ADGRV1: variants seen among roughly 807,000 people sequenced by gnomAD.
The protein encoded by ADGRV1 is G-protein coupled receptor 98.
In ADGRV1, 359 loss-of-function variants were observed where a neutral mutation model predicts 596.2. The observed-to-expected ratio is 0.60, with a 90% CI of 0.55 to 0.66. The LOEUF is 0.66. Among genes scored for constraint, ADGRV1 ranks in the 30% least tolerant of loss-of-function variants. ADGRV1 has a pLI of 0.00. For missense variants in ADGRV1, 7,274 were observed against 7,575.6 expected (o/e 0.96, Z 1.48); for synonymous variants, 2,681 against 2,679.2 (o/e 1.00, Z -0.02).
intron 85 of ADGRV1, chr5:91,031,358 C>T (rs182230694): frequency 5.5e-5 from 67 of 1,225,140 alleles, no homozygotes; most frequent in East Asian, 1.6e-4. Flanking sequence ...CTATCTCATC[C>T]GCTGACGGAA....
chr5:90,720,046 A>T lies in ADGRV1; in HGVS notation c.9448-2A>T. 1 of 1,612,324 alleles carries T rather than the reference A, an allele frequency of 6.2e-7. No individual in the cohort carries two copies. Among genetic ancestry groups the T allele is most frequent in the Non-Finnish European group, 8.5e-7 (1 of 1,178,574 alleles). ...AACCTTATCTTTTGATTTTGTTTTC[A>T]GGCCCTACAAATATCTGCCATATTA... On this transcript the variant is annotated splice_acceptor_variant, in intron 43 of 89. Coordinates refer to ENST00000405460, the MANE Select transcript of ADGRV1 (RefSeq NM_032119.4). LOFTEE classifies it high-confidence loss of function.
intron 8 of ADGRV1, 63 bp downstream of exon 8, chr5:90,628,895 T>A: frequency 6.8e-7 from 1 of 1,476,210 alleles, no homozygotes; most frequent in Non-Finnish European, 9.2e-7. Context: ...ACCAAAGAAT[T>A]TGGTCATACA....
chr5:90,950,484 G>C (rs529184835), intron 83 of ADGRV1, among the ~76,000 whole-genome samples: 1 of 152,004 alleles, frequency 6.6e-6, no homozygotes, highest in East Asian at 1.9e-4. Context: ...ACCATGCCCA[G>C]CTAATTTTTG....
Position 90,685,994 on chromosome 5 carries a change from TG to T in ADGRV1, c.6490+1del. 1 of 1,565,704 alleles carries T rather than the reference TG, an allele frequency of 6.4e-7. No individual in the cohort carries two copies. The highest frequency in any genetic ancestry group is 8.7e-7 in the Non-Finnish European group (1 of 1,151,444). On this transcript the variant is annotated frameshift_variant and splice_region_variant, in exon 29 of 90. Transcript: ENST00000405460. LOFTEE classifies it high-confidence loss of function. Reference sequence around the variant, plus strand: ...AAGCTGTGCCAATAACTGCAATAGCTGGTAAGAAAAGACATCTAAAAAGCAG... The same window carrying T: ...AAGCTGTGCCAATAACTGCAATAGCTGTAAGAAAAGACATCTAAAAAGCAG... The part of the protein sequence containing the change: ...FKAVPITAIA[G>X]EDYSIASSDV...
At chr5:90,576,086 G>A (rs1757160378) in intron 1 of ADGRV1, among the ~76,000 whole-genome samples, 1 of 152,030 alleles carries the variant, frequency 6.6e-6, no homozygotes. Flanking sequence ...TCCCAGCACT[G>A]CTTCCAGTCC....
chr5:90,791,528 C>T (rs914681799), intron 70 of ADGRV1, 182 bp downstream of exon 70: 6 of 568,780 alleles, frequency 1.1e-5, no homozygotes, highest in Middle Eastern at 4.6e-4. Context: ...AAGTATATTA[C>T]TATTTGGATG....
At chr5:90,680,706 G>T (rs1284830451) in intron 26 of ADGRV1, among the ~76,000 whole-genome samples, 2 of 152,032 alleles carry the variant, frequency 1.3e-5, no homozygotes, top group Non-Finnish European at 2.9e-5. Flanking sequence ...ATTACTTTTA[G>T]AATTGTTCAT....
At position 90,783,139 on chromosome 5, in the gene ADGRV1, G is replaced by A. The variant is rs757736882; in HGVS notation, c.13247G>A (p.Gly4416Glu). 2 of 1,613,336 alleles carry A rather than the reference G, an allele frequency of 1.2e-6. No homozygotes were observed. Among genetic ancestry groups the A allele is most frequent in the Admixed American group, 1.7e-5 (1 of 59,992 alleles). ...YTAFEVEEDVGLIMIPVVRLH... is the reference protein window; with the variant it reads ...YTAFEVEEDVELIMIPVVRLH... Reference sequence around the variant, plus strand: ...CCCATTACAGTGGAGGAAGATGTTGGGCTGATCATGATCCCAGTGGTGAGG... The same window carrying A: ...CCCATTACAGTGGAGGAAGATGTTGAGCTGATCATGATCCCAGTGGTGAGG... Residue 4416 changes from glycine to glutamate, a missense_variant, in exon 66 of 90, where the codon GGG becomes GAG. Gly to Glu is a moderately conservative substitution (Grantham distance 98). This residue lies in a region of ADGRV1 where 3,643 missense variants were observed against 3,809.2 expected (regional missense o/e 0.96). Transcript: ENST00000405460.
chr5:90,689,056 C>T (rs1020747748), intron 29 of ADGRV1, among the ~76,000 whole-genome samples: 1 of 152,112 alleles, frequency 6.6e-6, no homozygotes, highest in Non-Finnish European at 1.5e-5. Context: ...CTATTCAATT[C>T]GAATCTTTCT....
At chr5:90,882,879 C>T (rs1045835960) in intron 83 of ADGRV1, among the ~76,000 whole-genome samples, 1 of 150,038 alleles carries the variant, frequency 6.7e-6, no homozygotes, top group Non-Finnish European at 1.5e-5. Context: ...AAAATTATAG[C>T]AATGTCCTTA....
chr5:91,055,307 A>C (rs1257236863), intron 85 of ADGRV1, among the ~76,000 whole-genome samples: 2 of 152,010 alleles, frequency 1.3e-5, no homozygotes, highest in African/African-American at 4.8e-5. Flanking sequence ...ATGAAATATG[A>C]ATACAGTTAA....
At chr5:91,133,770 C>A (rs540708725) in intron 87 of ADGRV1, among the ~76,000 whole-genome samples, 1 of 152,234 alleles carries the variant, frequency 6.6e-6, no homozygotes, top group South Asian at 2.1e-4. Flanking sequence ...TTTGCTACTG[C>A]CATAAGTATG....
chr5:90,781,517 A>G lies in ADGRV1; in HGVS notation c.13170A>G (p.Ile4390Met), dbSNP rs1332888569. 4 of 1,611,374 alleles carry G rather than the reference A, an allele frequency of 2.5e-6. No individual in the cohort carries two copies. The East Asian group carries it at 8.9e-5, about 36-fold the overall frequency. Residue 4390 changes from isoleucine to methionine, a missense_variant, in exon 65 of 90, where the codon ATA becomes ATG. This residue lies in a region of ADGRV1 where 3,643 missense variants were observed against 3,809.2 expected (regional missense o/e 0.96). Transcript: ENST00000405460. ...ACATCTCCATTGTTCGCATCATAATAATGAAAAATGATAACGCAGAAGGCA... is the reference window on the plus strand; with the variant it reads ...ACATCTCCATTGTTCGCATCATAATGATGAAAAATGATAACGCAGAAGGCA... The part of the protein sequence containing the change: ...IGNISIVRII[I>M]MKNDNAEGII...
chr5:90,851,287 A>G (rs1766497763), intron 79 of ADGRV1, among the ~76,000 whole-genome samples: 1 of 152,068 alleles, frequency 6.6e-6, no homozygotes, highest in Non-Finnish European at 1.5e-5. Context: ...GTAAAAGAAA[A>G]TGAGGACTGA....
At chr5:90,858,917 C>T (rs995827255) in intron 82 of ADGRV1, among the ~76,000 whole-genome samples, 8 of 152,168 alleles carry the variant, frequency 5.3e-5, no homozygotes, top group Non-Finnish European at 1.2e-4. Flanking sequence ...CCAGTTTTAA[C>T]AGCAGTGAGA....
At chr5:91,005,091 G>C (rs1429423625) in intron 85 of ADGRV1, among the ~76,000 whole-genome samples, 1 of 152,002 alleles carries the variant, frequency 6.6e-6, no homozygotes, top group Non-Finnish European at 1.5e-5. Flanking sequence ...TGGATATTTT[G>C]TATATTTTCT....
intron 39 of ADGRV1, 73 bp from the exon 40 acceptor site, chr5:90,710,908 T>C (rs1749250408): frequency 5.8e-6 from 5 of 860,806 alleles, no homozygotes; most frequent in Middle Eastern, 5.2e-4. Context: ...AAAGGGACTG[T>C]CTTTAAATCC....
At chr5:90,795,852 A>C (rs941095807) in intron 70 of ADGRV1, among the ~76,000 whole-genome samples, 3 of 152,228 alleles carry the variant, frequency 2.0e-5, no homozygotes. Flanking sequence ...ATATCCAGGC[A>C]AACAGGGTCT....
chr5:90,994,535 C>A (rs1219520075), intron 85 of ADGRV1, among the ~76,000 whole-genome samples: 1 of 152,002 alleles, frequency 6.6e-6, no homozygotes, highest in African/African-American at 2.4e-5. Flanking sequence ...AGTATTTGTT[C>A]AGTAAATCTA....
Sources: allele counts gnomAD v4.1 joint callset (sites outside exome capture counted in the v4.1 genomes callset), GRCh38; gene constraint gnomAD v4.1.1; regional missense constraint gnomAD v4.1.1; transcripts MANE v1.5; gene names NCBI Gene and HGNC (gene_info 2026-07-23, HGNC 2026-07-21).